The following NELL1 variants were observed in gnomAD, a reference collection of about 807,000 sequenced individuals.
The protein encoded by NELL1 is neural EGFL like 1.
A neutral mutation model predicts 107.4 loss-of-function variants in NELL1; 76 were observed. The ratio of observed to expected loss-of-function variants is 0.71; its 90% CI spans 0.59 to 0.86. The LOEUF (loss-of-function observed/expected upper bound fraction) is 0.86. Ranked by LOEUF, NELL1 falls within the 40% of genes least tolerant of loss-of-function variation. The probability of loss-of-function intolerance (pLI) is 0.00; values close to 1 mark genes in which losing one functional copy is unlikely to be tolerated. For synonymous variants in NELL1, 353 were observed against 341.2 expected, an observed-to-expected ratio of 1.03 and a Z score of -0.38; for missense variants, 1,024 against 1,005.5, an observed-to-expected ratio of 1.02 and a Z score of -0.25.
intron 7 of NELL1, among the ~76,000 whole-genome samples, chr11:20,920,399 T>C (rs1003325585): frequency 2.0e-5 from 3 of 152,086 alleles, no homozygotes; most frequent in African/African-American, 7.2e-5. Context: ...AGACAATGTT[T>C]CTATTTCAAA....
chr11:20,769,676 G>A (rs546078933), intron 2 of NELL1: 10 of 152,518 alleles, frequency 6.6e-5, no homozygotes, highest in African/African-American at 2.4e-4. Flanking sequence ...GAATTGGGTT[G>A]GGCCTTGAGA....
rs578207564 is a variant in NELL1 at position 21,311,160 on chromosome 11, C to A, written c.1550-59693C>A. On this transcript the variant is annotated intron_variant, in intron 14 of 19. Transcript: ENST00000357134. Reference sequence around the variant, plus strand: ...TGTAAAAAGAAATGCATTACCCATGCTATAAAATTAAATGTTGCATTGCAA... The same window carrying A: ...TGTAAAAAGAAATGCATTACCCATGATATAAAATTAAATGTTGCATTGCAA... Among the ~76,000 whole-genome samples the A allele has an allele frequency of 3.9e-5, 6 of 152,196 alleles. No individual in the cohort carries two copies. The South Asian group carries it at 1.0e-3, about 26-fold the overall frequency.
chr11:20,924,501 A>G lies in NELL1; in HGVS notation c.760-2807A>G, dbSNP rs570081431. On this transcript the variant is annotated intron_variant, in intron 7 of 19. Coordinates refer to ENST00000357134, the MANE Select transcript of NELL1 (RefSeq NM_006157.5). The stretch of plus-strand genomic sequence containing the variant: ...CATTTTCTTTGGAATTGAGTTTTGT[A>G]GGTGAGCACAGCTCAGCTTTGTGGG... Among the ~76,000 whole-genome samples the G allele has an allele frequency of 2.2e-3, 335 of 152,314 alleles. 2 individuals are homozygous for G. The highest frequency in any genetic ancestry group is 7.5e-3 in the African/African-American group (311 of 41,574).
intron 10 of NELL1, among the ~76,000 whole-genome samples, chr11:20,940,535 C>T (rs1195758897): frequency 2.0e-5 from 3 of 152,170 alleles, no homozygotes; most frequent in Non-Finnish European, 4.4e-5. Flanking sequence ...AGGTGTGAGC[C>T]ACTGCACCTG....
At chr11:20,969,631 T>TC (rs1425892263) in intron 12 of NELL1, among the ~76,000 whole-genome samples, 1 of 150,812 alleles carries the variant, frequency 6.6e-6, no homozygotes, top group Non-Finnish European at 1.5e-5. Flanking sequence ...TCCATTTTTT[T>TC]CCCCTGACAA....
chr11:21,421,676 T>C (rs188188991), intron 15 of NELL1, among the ~76,000 whole-genome samples: 299 of 152,166 alleles, frequency 2.0e-3, no homozygotes, highest in African/African-American at 6.6e-3. Context: ...AGCTTTCACA[T>C]TGTGGGAGTC....
chr11:21,124,973 G>A (rs1855456689), intron 13 of NELL1, among the ~76,000 whole-genome samples: 1 of 151,998 alleles, frequency 6.6e-6, no homozygotes, highest in African/African-American at 2.4e-5. Flanking sequence ...CCTTTATAAG[G>A]GCACTAATAA....
At chr11:21,521,439 G>A (rs950626373) in intron 15 of NELL1, among the ~76,000 whole-genome samples, 2 of 152,082 alleles carry the variant, frequency 1.3e-5, no homozygotes, top group South Asian at 2.1e-4. Context: ...CATTCCACAC[G>A]CACTTGTAAA....
At chr11:21,403,511 A>ATTAACAACAAGCTCT in intron 15 of NELL1, among the ~76,000 whole-genome samples, 1 of 151,376 alleles carries the variant, frequency 6.6e-6, no homozygotes, top group African/African-American at 2.4e-5. Context: ...GATGAGTTTC[A>ATTAACAACAAGCTCT]TGCCCCATGG....
Position 20,997,292 on chromosome 11 carries a change from T to C in NELL1, c.1300+36732T>C, listed in dbSNP as rs1177057483. On this transcript the variant is annotated intron_variant, in intron 12 of 19. Coordinates refer to ENST00000357134, the MANE Select transcript of NELL1 (RefSeq NM_006157.5). The stretch of plus-strand genomic sequence containing the variant: ...TAGTATGGGTGAGACATGGTAAGAC[T>C]AAACATTAGGCATCATAAAAAAGCT... Among the ~76,000 whole-genome samples the C allele has an allele frequency of 2.0e-5, 3 of 152,164 alleles. No homozygotes were observed. In the East Asian group the frequency reaches 5.8e-4, roughly 29 times the overall value.
At chr11:20,686,662 C>T (rs911415858) in intron 2 of NELL1, among the ~76,000 whole-genome samples, 2 of 152,082 alleles carry the variant, frequency 1.3e-5, no homozygotes, top group African/African-American at 2.4e-5. Context: ...GGCTGAAACT[C>T]GGTGATCAAT....
At chr11:20,758,785 G>T (rs973230901) in intron 2 of NELL1, among the ~76,000 whole-genome samples, 1 of 152,146 alleles carries the variant, frequency 6.6e-6, no homozygotes, top group Non-Finnish European at 1.5e-5. Flanking sequence ...TAAGTGGTGG[G>T]AATGATAAAT....
At chr11:21,294,314 G>C (rs149154056) in intron 14 of NELL1, among the ~76,000 whole-genome samples, 1 of 152,036 alleles carries the variant, frequency 6.6e-6, no homozygotes, top group African/African-American at 2.4e-5. Flanking sequence ...AAAAGTTGTC[G>C]AACTAGTCTC....
intron 5 of NELL1, among the ~76,000 whole-genome samples, 197 bp from the exon 6 acceptor site, chr11:20,917,982 TCTC>T (rs1419008113): frequency 2.0e-5 from 3 of 151,960 alleles, no homozygotes; most frequent in Non-Finnish European, 4.4e-5. Context: ...ATTGGAGCTT[TCTC>T]CACATAAATG....
At chr11:21,385,505 A>G (rs1241419422) in intron 15 of NELL1, among the ~76,000 whole-genome samples, 4 of 151,830 alleles carry the variant, frequency 2.6e-5, no homozygotes, top group East Asian at 2.0e-4. Flanking sequence ...CATTCAATCA[A>G]TCACTACAGT....
intron 2 of NELL1, among the ~76,000 whole-genome samples, chr11:20,773,971 CCT>C (rs1379262507): frequency 6.6e-6 from 1 of 151,510 alleles, no homozygotes; most frequent in African/African-American, 2.4e-5. Flanking sequence ...CTTTTTTTCC[CCT>C]CTCTCTTTCT....
intron 15 of NELL1, among the ~76,000 whole-genome samples, chr11:21,457,255 A>G (rs73461296): frequency 0.03 from 4,635 of 152,210 alleles, 226 homozygotes; most frequent in African/African-American, 0.11. Flanking sequence ...TGTGGTGTTG[A>G]TGGAATATTA....
intron 14 of NELL1, among the ~76,000 whole-genome samples, chr11:21,349,266 T>C (rs1850749789): frequency 1.3e-5 from 2 of 152,196 alleles, no homozygotes; most frequent in African/African-American, 4.8e-5. Context: ...TATTATTTTA[T>C]GGAAGCTGGA....
At chr11:21,568,803 T>C (rs763571932) in intron 17 of NELL1, among the ~76,000 whole-genome samples, 2 of 151,680 alleles carry the variant, frequency 1.3e-5, no homozygotes, top group Non-Finnish European at 2.9e-5. Context: ...CTATCATCTC[T>C]TATGATAACA....
Sources: allele counts gnomAD v4.1 joint callset (sites outside exome capture counted in the v4.1 genomes callset), GRCh38; gene constraint gnomAD v4.1.1; transcripts MANE v1.5; gene names NCBI Gene and HGNC (gene_info 2026-07-23, HGNC 2026-07-21).